Variants in PBX1 observed in about 807,000 individuals in gnomAD.
The protein encoded by PBX1 is PBX homeobox 1.
Under a neutral mutation model 53.4 loss-of-function variants are expected in PBX1, and 6 were observed. The ratio of observed to expected loss-of-function variants is 0.11; its 90% confidence interval spans 0.06 to 0.22. PBX1 has a LOEUF of 0.22. Ranked by LOEUF, PBX1 falls within the 10% of genes least tolerant of loss-of-function variation. The pLI, the probability that PBX1 is intolerant of heterozygous loss-of-function variation, is 1.00. For synonymous variants in PBX1, 204 were observed against 212.3 expected (o/e 0.96, Z 0.34); for missense variants, 251 against 551.4 (o/e 0.46, Z 5.46).
intron 2 of PBX1, among the ~76,000 whole-genome samples, chr1:164,629,204 GA>G (rs1348519198): frequency 1.3e-5 from 2 of 152,040 alleles, no homozygotes; most frequent in Non-Finnish European, 2.9e-5. Context: ...GGAATGGAAA[GA>G]AGCTGATACT....
Position 164,847,996 on chromosome 1 carries a change from G to A in PBX1, c.*1320G>A. ...TTTTTTGTTTTATATTAGGCACACT[G>A]TATTAATTTTCCAAAATGTTATACC... On this transcript the variant is annotated 3_prime_UTR_variant, in exon 9 of 9. Coordinates refer to ENST00000420696, the MANE Select transcript of PBX1 (RefSeq NM_002585.4). The A allele has an allele frequency of 4.8e-6, 5 of 1,050,218 alleles. No individual in the cohort carries two copies. The highest frequency in any genetic ancestry group is 1.7e-5 in the African/African-American group (1 of 60,288). The allele number at this position is 1,050,218 out of a possible 1,614,324, so 65.1% of individuals were successfully genotyped here. A position where few individuals can be genotyped will look rare whatever the true frequency, so the allele number is the denominator to read the frequency against.
chr1:164,826,992 C>A (rs998335968), intron 8 of PBX1, among the ~76,000 whole-genome samples: 5 of 151,690 alleles, frequency 3.3e-5, no homozygotes, highest in Non-Finnish European at 5.9e-5. Flanking sequence ...TTCTTTTCTC[C>A]CATGTTAGGT....
rs987584485 is a variant in PBX1, at chr1:164,848,378, G to T, written c.*1702G>T. On this transcript the variant is annotated 3_prime_UTR_variant, in exon 9 of 9. Coordinates refer to ENST00000420696, the MANE Select transcript of PBX1 (RefSeq NM_002585.4). ...TCATCTGTGAGATGGGAACTGTTAT[G>T]CCTGGCTTACTAAGAGTCTTGTGAG... The T allele has an allele frequency of 2.8e-6, 3 of 1,055,750 alleles. No individual in the cohort carries two copies. Among genetic ancestry groups the T allele is most frequent in the African/African-American group, 1.7e-5 (1 of 60,572 alleles). 65.4% of individuals were successfully genotyped at this position (1,055,750 alleles called of 1,614,324 possible).
intron 2 of PBX1, among the ~76,000 whole-genome samples, chr1:164,879,913 T>C (rs1288034177): frequency 6.6e-6 from 1 of 152,108 alleles, no homozygotes; most frequent in Non-Finnish European, 1.5e-5. Context: ...CTGGGGGTGC[T>C]CCTTTACCTT....
rs113441845 is a variant in PBX1, at chr1:164,595,202, T to C, written c.265+31891T>C. Among the ~76,000 whole-genome samples the C allele has an allele frequency of 8.0e-3, 1,216 of 152,354 alleles. 23 individuals carry two copies. The highest frequency in any genetic ancestry group is 0.028 in the African/African-American group (1,151 of 41,594). On this transcript the variant is annotated intron_variant, in intron 2 of 8. Coordinates refer to ENST00000420696, the MANE Select transcript of PBX1 (RefSeq NM_002585.4). ...TCTACAAGAAATGGGATTTCTGCTT[T>C]GCAAAGTTCCCTTCAGTGGAATGAA... is the stretch of plus-strand genomic sequence containing the variant.
At chr1:164,827,600 A>G (rs898143171) in intron 8 of PBX1, among the ~76,000 whole-genome samples, 3 of 152,316 alleles carry the variant, frequency 2.0e-5, no homozygotes, top group South Asian at 4.1e-4. Context: ...TTTCCTTCTT[A>G]TAGGGCCTTT....
chr1:164,564,956 T>G (rs1653327126), intron 2 of PBX1, among the ~76,000 whole-genome samples: 1 of 152,112 alleles, frequency 6.6e-6, no homozygotes, highest in Non-Finnish European at 1.5e-5. Flanking sequence ...TTTCATGAAA[T>G]GTAGAATCAA....
chr1:164,845,504 G>A (rs996027855), intron 8 of PBX1, among the ~76,000 whole-genome samples: 1 of 152,110 alleles, frequency 6.6e-6, no homozygotes, highest in Non-Finnish European at 1.5e-5. Flanking sequence ...AACTACAAAG[G>A]AACACAGTAA....
chr1:164,705,367 C>T (rs552034915), intron 2 of PBX1, among the ~76,000 whole-genome samples: 1 of 152,298 alleles, frequency 6.6e-6, no homozygotes, highest in South Asian at 2.1e-4. Context: ...AGATGAATTA[C>T]AGGATTATTT....
intron 2 of PBX1, among the ~76,000 whole-genome samples, chr1:164,597,023 C>T (rs916274227): frequency 1.6e-4 from 25 of 152,210 alleles, no homozygotes; most frequent in Admixed American, 1.3e-4. Flanking sequence ...CCTGTACCCT[C>T]TGTCTTTATT....
intron 2 of PBX1, among the ~76,000 whole-genome samples, chr1:164,603,163 AT>A (rs66915947): frequency 8.9e-4 from 132 of 147,970 alleles, no homozygotes; most frequent in South Asian, 2.1e-3. Flanking sequence ...GGGAAGCAGC[AT>A]TTTTTTTTTT....
chr1:164,799,003 A>G (rs769591605), intron 3 of PBX1, among the ~76,000 whole-genome samples: 55 of 152,224 alleles, frequency 3.6e-4, no homozygotes, highest in Admixed American at 6.5e-4. Context: ...CTCCTATATC[A>G]GAAATAATGA....
At chr1:164,794,830 G>T in intron 3 of PBX1, among the ~76,000 whole-genome samples, 1 of 152,116 alleles carries the variant, frequency 6.6e-6, no homozygotes, top group East Asian at 1.9e-4. Flanking sequence ...AGGTTAACTC[G>T]TGCCAAAGAA....
At chr1:164,833,829 A>G (rs1670888384) in intron 8 of PBX1, among the ~76,000 whole-genome samples, 1 of 149,968 alleles carries the variant, frequency 6.7e-6, no homozygotes, top group South Asian at 2.1e-4. Flanking sequence ...CCCCACAAAC[A>G]TGTATTTTTG....
rs896082593 is a variant in PBX1, at chr1:164,646,675, G to A, written c.265+83364G>A. On this transcript the variant is annotated intron_variant, in intron 2 of 8. Transcript: ENST00000420696. ...CATTTGTTAGGATATGTCCCTGCTC[G>A]TTGAGAGGAGAGAGTTTTTTTGATA... 2.6e-5 allele frequency among the ~76,000 whole-genome samples: 4 copies of A among 152,168 alleles called. No individual in the cohort carries two copies. In the South Asian group the frequency reaches 6.2e-4, roughly 24 times the overall value.
intron 2 of PBX1, among the ~76,000 whole-genome samples, chr1:164,787,304 C>A (rs372562329): frequency 6.6e-6 from 1 of 152,186 alleles, no homozygotes; most frequent in East Asian, 1.9e-4. Flanking sequence ...TCTCTCTCAG[C>A]TCAGCTTTGG....
chr1:164,791,965 C>T (rs541303343), intron 2 of PBX1, among the ~76,000 whole-genome samples: 14 of 152,194 alleles, frequency 9.2e-5, no homozygotes, highest in Non-Finnish European at 1.5e-4. Flanking sequence ...GCTGGGACTA[C>T]AGGCACGCAC....
chr1:164,775,827 C>T (rs1395436974), intron 2 of PBX1, among the ~76,000 whole-genome samples: 1 of 152,150 alleles, frequency 6.6e-6, no homozygotes, highest in Non-Finnish European at 1.5e-5. Context: ...TAAACACAAG[C>T]ACCTGGCCCT....
intron 8 of PBX1, among the ~76,000 whole-genome samples, chr1:164,826,141 T>C (rs1182651872): frequency 6.6e-6 from 1 of 152,218 alleles, no homozygotes; most frequent in Non-Finnish European, 1.5e-5. Flanking sequence ...TCAACAGCTC[T>C]AGAATTCTAC....
Sources: gnomAD v4.1 joint callset for allele counts (sites outside exome capture counted in the v4.1 genomes callset) on GRCh38, gnomAD v4.1.1 for gene constraint, MANE v1.5 for transcripts, NCBI Gene and HGNC (gene_info 2026-07-23, HGNC 2026-07-21) for gene names.